The following SLC20A2 variants were observed in gnomAD, a reference collection of about 807,000 sequenced individuals.
SLC20A2 encodes sodium-dependent phosphate transporter 2.
In SLC20A2, 30 loss-of-function variants were observed where a neutral mutation model predicts 61.0. The observed-to-expected ratio is 0.49, with a 90% CI of 0.37 to 0.67. The LOEUF (loss-of-function observed/expected upper bound fraction) is 0.67, where lower values mean the gene tolerates loss of function less well. Among genes scored for constraint, SLC20A2 ranks in the 30% least tolerant of loss-of-function variants. SLC20A2 has a pLI of 0.00. For missense variants in SLC20A2, 626 were observed against 866.4 expected (o/e 0.72, Z 3.48); for synonymous variants, 351 against 353.3 (o/e 0.99, Z 0.07).
intron 2 of SLC20A2, among the ~76,000 whole-genome samples, chr8:42,466,958 C>G (rs1208415996): frequency 2.6e-5 from 4 of 152,144 alleles, no homozygotes; most frequent in Middle Eastern, 3.2e-3. Flanking sequence ...GCATGAGCTG[C>G]CACACTCAGC....
chr8:42,434,540 A>G (rs533471011), intron 8 of SLC20A2, among the ~76,000 whole-genome samples: 1 of 152,116 alleles, frequency 6.6e-6, no homozygotes, highest in South Asian at 2.1e-4. Flanking sequence ...CTGGATTCCA[A>G]TTTGGCTTTG....
intron 1 of SLC20A2, among the ~76,000 whole-genome samples, chr8:42,475,809 T>C (rs1808038712): frequency 6.6e-6 from 1 of 151,620 alleles, no homozygotes; most frequent in Non-Finnish European, 1.5e-5. Context: ...GGCTTAGGCA[T>C]GAGATGAGGC....
At chr8:42,447,561 C>G (rs1254855954) in intron 5 of SLC20A2, among the ~76,000 whole-genome samples, 2 of 151,826 alleles carry the variant, frequency 1.3e-5, no homozygotes, top group Non-Finnish European at 1.5e-5. Context: ...ACCTGTAGTC[C>G]CAGCTACTCC....
chr8:42,429,710 G>T (rs562877339), intron 9 of SLC20A2, among the ~76,000 whole-genome samples: 171 of 152,268 alleles, frequency 1.1e-3, no homozygotes, highest in African/African-American at 3.7e-3. Flanking sequence ...TTCAGGAAAG[G>T]CCAGCCCAGG....
At chr8:42,536,029 A>T (rs938376819) in intron 1 of SLC20A2, among the ~76,000 whole-genome samples, 1 of 152,154 alleles carries the variant, frequency 6.6e-6, no homozygotes, top group Non-Finnish European at 1.5e-5. Flanking sequence ...TCTTTCCCTA[A>T]AAGTTTCCCA....
chr8:42,458,802 G>A (rs939715971), intron 5 of SLC20A2, among the ~76,000 whole-genome samples: 3 of 151,770 alleles, frequency 2.0e-5, no homozygotes, highest in African/African-American at 4.8e-5. Context: ...CCAGCTACTC[G>A]GGAGGCTGAG....
chr8:42,473,802 C>T (rs142118427), intron 1 of SLC20A2, among the ~76,000 whole-genome samples: 50 of 152,180 alleles, frequency 3.3e-4, no homozygotes, highest in African/African-American at 1.2e-3. Flanking sequence ...TAATTTGACC[C>T]ATCAATAAGG....
rs1303899792 is a variant in SLC20A2 at position 42,520,582 on chromosome 8, C to T, written c.-265+21239G>A. Among the ~76,000 whole-genome samples the T allele has an allele frequency of 3.5e-5, 4 of 114,314 alleles. 1 individual carries two copies. The highest frequency in any genetic ancestry group is 1.8e-4 in the Admixed American group (2 of 11,202). 75.0% of individuals were successfully genotyped at this position (114,314 alleles called of 152,430 possible). A position where few individuals can be genotyped will look rare whatever the true frequency, so the allele number is the denominator to read the frequency against. On this transcript the variant is annotated intron_variant, in intron 1 of 10. Coordinates refer to the SLC20A2 transcript ENST00000342228. The stretch of plus-strand genomic sequence containing the variant: ...TCCACTGAAAATGTAAAAAATTAGC[C>T]GGGCGTGGTGGCGGGTGCCTGTAGT...
At chr8:42,482,101 C>T (rs773974720) in intron 1 of SLC20A2, among the ~76,000 whole-genome samples, 2 of 151,888 alleles carry the variant, frequency 1.3e-5, no homozygotes, top group African/African-American at 4.8e-5. Flanking sequence ...TGATTTGGCC[C>T]GAAGAAAAGA....
chr8:42,472,530 T>C lies in SLC20A2; in HGVS notation c.-140A>G. ...GAAAGTGCTGGACAATGTTAGAGGC[T>C]GGACAAACTGCTAGCTGCTGGTTTG... On this transcript the variant is annotated 5_prime_UTR_variant, in exon 2 of 11. Coordinates refer to ENST00000520262, the MANE Select transcript of SLC20A2 (RefSeq NM_001257180.2). The surrounding 1 kb of genome is among the most constrained non-coding windows in gnomAD (Gnocchi z 4.1). 3 of 730,794 alleles carry C rather than the reference T, an allele frequency of 4.1e-6. No individual in the cohort carries two copies. The highest frequency in any genetic ancestry group is 6.6e-6 in the Non-Finnish European group (3 of 454,334). The allele number at this position is 730,794 out of a possible 1,614,324, so 45.3% of individuals were successfully genotyped here.
At chr8:42,468,485 G>A (rs1807363840) in intron 2 of SLC20A2, among the ~76,000 whole-genome samples, 1 of 152,166 alleles carries the variant, frequency 6.6e-6, no homozygotes, top group Non-Finnish European at 1.5e-5. Flanking sequence ...AAGAGGGCCT[G>A]GGAGTAGGTG....
In SLC20A2 at chr8:42,437,156, C is replaced by T. The variant is rs1020754218; in HGVS notation, c.1356G>A (p.Val452=). The change falls in exon 8 of 11, where the codon GTG becomes GTA. Residue 452 remains valine, a synonymous_variant. Transcript: ENST00000520262. This position sits in a 1 kb window ranked among gnomAD's most constrained non-coding sequence, Gnocchi z 6.4. Reference sequence around the variant, plus strand: ...CCAGCTCCGACGCCAGCTTCATCTCCACGCCGCCCTCCTCCGCCTCGATCT... The same window carrying T: ...CCAGCTCCGACGCCAGCTTCATCTCTACGCCGCCCTCCTCCGCCTCGATCT... ...EAEIEAEEGG[V]EMKLASELAD... 4 of 1,613,766 alleles carry T rather than the reference C, an allele frequency of 2.5e-6. No homozygotes were observed. Among genetic ancestry groups the T allele is most frequent in the African/African-American group, 1.3e-5 (1 of 75,064 alleles).
At chr8:42,491,124 G>C (rs971833322) in intron 1 of SLC20A2, among the ~76,000 whole-genome samples, 1 of 152,206 alleles carries the variant, frequency 6.6e-6, no homozygotes, top group African/African-American at 2.4e-5. Flanking sequence ...TTTCAGGCCG[G>C]TGTGGTGGCT....
chr8:42,529,856 A>C (rs934371259), intron 1 of SLC20A2, among the ~76,000 whole-genome samples: 2 of 152,354 alleles, frequency 1.3e-5, no homozygotes, highest in Non-Finnish European at 2.9e-5. Context: ...TCGATACAAA[A>C]TAATACTAAT....
chr8:42,476,687 C>T (rs910995914), intron 1 of SLC20A2, among the ~76,000 whole-genome samples: 1 of 152,210 alleles, frequency 6.6e-6, no homozygotes, highest in African/African-American at 2.4e-5. Flanking sequence ...ACAATTGTGC[C>T]TATGCTCTTT....
chr8:42,501,430 C>T (rs568465974), upstream of SLC20A2: 4 of 152,316 alleles, frequency 2.6e-5, no homozygotes, highest in South Asian at 8.3e-4. Flanking sequence ...TAAGCTTTTT[C>T]CCAACAGGCA....
intron 4 of SLC20A2, 112 bp downstream of exon 4, chr8:42,462,893 C>T: frequency 1.7e-6 from 1 of 590,750 alleles, no homozygotes; most frequent in East Asian, 3.0e-5. Flanking sequence ...GGTGCTGTGC[C>T]TTGACAATGT....
chr8:42,421,014 G>A (rs1437837539), intron 10 of SLC20A2, among the ~76,000 whole-genome samples: 2 of 151,978 alleles, frequency 1.3e-5, no homozygotes, highest in East Asian at 1.9e-4. Flanking sequence ...CTTTAGTCTC[G>A]TTTTGTAAAA....
chr8:42,533,654 C>CTTTTTCTCTTTTTTTTTT (rs1812496566), intron 1 of SLC20A2, among the ~76,000 whole-genome samples: 14 of 55,312 alleles, frequency 2.5e-4, no homozygotes, highest in African/African-American at 1.1e-3. Flanking sequence ...ATCAACTGTT[C>CTTTTTCTCTTTTTTTTTT]TTTTTTTTTT....
Sources: gnomAD v4.1 joint callset for allele counts (sites outside exome capture counted in the v4.1 genomes callset) on GRCh38, gnomAD v4.1.1 for gene constraint, Gnocchi (gnomAD v3.1) non-coding constraint, MANE v1.5 for transcripts, NCBI Gene and HGNC (gene_info 2026-07-23, HGNC 2026-07-21) for gene names.